Variants in ELOA observed in about 807,000 individuals in gnomAD.
ELOA encodes elongin-A.
In ELOA, 15 loss-of-function variants were observed where a neutral mutation model predicts 85.2. The observed-to-expected ratio is 0.18, with a 90% CI of 0.12 to 0.27. ELOA has a LOEUF of 0.27. Among genes scored for constraint, ELOA ranks in the 10% least tolerant of loss-of-function variants. The pLI is 1.00. For synonymous variants in ELOA, 348 were observed against 357.2 expected (o/e 0.97, Z 0.29); for missense variants, 769 against 952.7 (o/e 0.81, Z 2.54).
Position 23,750,049 on chromosome 1 carries a change from G to C in ELOA, c.239+101G>C, listed in dbSNP as rs941940629. On this transcript the variant is annotated intron_variant, in intron 3 of 10. Coordinates refer to ENST00000613537, the MANE Select transcript of ELOA (RefSeq NM_003198.3). ...CTCTTTTGCCTTCTGAAATTGTTTT[G>C]CCTCAATTATAAAAAATAATCCATG... The C allele has an allele frequency of 6.1e-5, 54 of 891,526 alleles. 1 individual carries two copies. The South Asian group carries it at 1.1e-3, about 19-fold the overall frequency. The allele number at this position is 891,526 out of a possible 1,614,324, so 55.2% of individuals were successfully genotyped here. A position where few individuals can be genotyped will look rare whatever the true frequency, so the allele number is the denominator to read the frequency against.
In ELOA at chr1:23,751,400, G is replaced by T. The variant is rs774265730; in HGVS notation, c.795G>T (p.Val265=). 3 of 1,614,046 alleles carry T rather than the reference G, an allele frequency of 1.9e-6. No individual in the cohort carries two copies. In the African/African-American group the frequency reaches 4.0e-5, roughly 22 times the overall value. The change falls in exon 4 of 11, where the codon GTG becomes GTT. Residue 265 remains valine (V), a synonymous_variant. Transcript: ENST00000613537. ...VDAKSDEKAS[V]VSREKSHKAL... is the part of the protein sequence containing the mutation. ...CCAAGAGTGATGAGAAGGCCTCTGT[G>T]GTGAGCAGAGAGAAATCACACAAGG...
chr1:23,744,459 C>A (rs201180020), intron 1 of ELOA, among the ~76,000 whole-genome samples: 1 of 138,578 alleles, frequency 7.2e-6, no homozygotes, highest in African/African-American at 2.7e-5. Flanking sequence ...TTTTTTTTTT[C>A]TTTTTTTTTT....
Position 23,751,671 on chromosome 1 carries a change from G to A in ELOA, c.1066G>A (p.Asp356Asn). ...CTTTGACACAGGAAAAGGAGCAGGA[G>A]ACCTGTTGCCCAAGGTAAAAGAGAA... ...DSFDTGKGAG[D>N]LLPKVKEKGS... The change falls in exon 4 of 11, where the codon GAC becomes AAC. Residue 356 changes from aspartate to asparagine, a missense_variant. Around this residue, in one of 4 missense-constraint regions of ELOA, gnomAD observed 440 missense variants for 474.0 expected, o/e 0.93. Transcript: ENST00000613537. 6.2e-7 allele frequency: 1 copy of A among 1,614,174 alleles called. No homozygotes were observed. Among genetic ancestry groups the A allele is most frequent in the Non-Finnish European group, 8.5e-7 (1 of 1,180,042 alleles).
At position 23,756,996 on chromosome 1, in the gene ELOA, G is replaced by A. The variant is rs1389513511; in HGVS notation, c.2128G>A (p.Ala710Thr). The A allele has an allele frequency of 3.8e-6, 6 of 1,595,792 alleles. No homozygotes were observed. The highest frequency in any genetic ancestry group is 5.1e-6 in the Non-Finnish European group (6 of 1,173,628). ...CCCCATGGGAAGCAGCCATGCTTCC[G>A]CCAGTAGCATCAGCTTTAACCCCAG... ...PYPMGSSHAS[A>T]SSISFNPSPE... is the part of the protein sequence containing the mutation. The change falls in exon 10 of 11, where the codon GCC (alanine) becomes ACC (threonine). Residue 710 changes from alanine to threonine, a missense_variant. Physicochemically the swap from Ala to Thr is moderately conservative, Grantham distance 58. Around this residue, in one of 4 missense-constraint regions of ELOA, gnomAD observed 116 missense variants for 141.0 expected, o/e 0.82. Coordinates refer to ENST00000613537, the MANE Select transcript of ELOA (RefSeq NM_003198.3).
intron 3 of ELOA, among the ~76,000 whole-genome samples, 165 bp downstream of exon 3, chr1:23,750,113 C>A (rs1174872798): frequency 2.0e-5 from 3 of 147,826 alleles, no homozygotes; most frequent in Admixed American, 6.8e-5. Flanking sequence ...AAATAGAAAT[C>A]AAAATTTCCT....
chr1:23,762,013 G>T lies in ELOA; in HGVS notation c.*2440G>T, dbSNP rs1638307174. Reference sequence around the variant, plus strand: ...CGAGATGAATATTTTAATTAGATAAGTTATATGAAAAGGAAAATTCCATGT... The same window carrying T: ...CGAGATGAATATTTTAATTAGATAATTTATATGAAAAGGAAAATTCCATGT... On this transcript the variant is annotated 3_prime_UTR_variant, in exon 11 of 11. Coordinates refer to ENST00000613537, the MANE Select transcript of ELOA (RefSeq NM_003198.3). 1 of 151,898 alleles carries T rather than the reference G, an allele frequency of 6.6e-6. No homozygotes were observed. The highest frequency in any genetic ancestry group is 2.1e-4 in the South Asian group (1 of 4,820). 9.4% of individuals were successfully genotyped at this position (151,898 alleles called of 1,614,324 possible). A position where few individuals can be genotyped will look rare whatever the true frequency, so the allele number is the denominator to read the frequency against.
At chr1:23,743,734 G>A (rs921658943) in intron 1 of ELOA, among the ~76,000 whole-genome samples, 156 bp downstream of exon 1, 1 of 152,102 alleles carries the variant, frequency 6.6e-6, no homozygotes, top group Non-Finnish European at 1.5e-5. Flanking sequence ...ACCGCTGCCC[G>A]CGCGTTGGGA....
intron 7 of ELOA, 86 bp from the exon 8 acceptor site, chr1:23,755,757 A>G (rs1644791446): frequency 7.2e-7 from 1 of 1,388,094 alleles, no homozygotes; most frequent in Non-Finnish European, 9.7e-7. Flanking sequence ...TGCAGTCTAC[A>G]CGACAGAGCA....
chr1:23,756,354 A>G lies in ELOA; in HGVS notation c.2053A>G (p.Thr685Ala), dbSNP rs1570593853. Residue 685 changes from threonine (T) to alanine (A), a missense_variant, in exon 9 of 11, where the codon ACG becomes GCG. Physicochemically the swap from Thr to Ala is moderately conservative, Grantham distance 58. Transcript: ENST00000613537. ...CCGGAGGAGGCAGGAAAAGTTTGGA[A>G]CGGGAGGAGCAGCTGTCCCTGAGAA... ...DVRRRQEKFG[T>A]GGAAVPEKIK... The G allele has an allele frequency of 6.3e-7, 1 of 1,580,808 alleles. No individual in the cohort carries two copies. The highest frequency in any genetic ancestry group is 8.6e-7 in the Non-Finnish European group (1 of 1,163,008).
intron 2 of ELOA, 67 bp downstream of exon 2, chr1:23,749,144 A>C: frequency 7.3e-7 from 1 of 1,378,854 alleles, no homozygotes; most frequent in South Asian, 1.2e-5. Context: ...GAGAGTGTGT[A>C]GAATAAGGTT....
intron 3 of ELOA, among the ~76,000 whole-genome samples, chr1:23,750,202 G>C (rs1290852793): frequency 2.6e-5 from 3 of 117,144 alleles, no homozygotes; most frequent in Non-Finnish European, 4.9e-5. Flanking sequence ...TTGAGACAGA[G>C]TCTCGCTCTG....
chr1:23,754,162 A>G lies in ELOA; in HGVS notation c.1600A>G (p.Met534Val). The G allele has an allele frequency of 6.2e-7, 1 of 1,614,230 alleles. No homozygotes were observed. Among genetic ancestry groups the G allele is most frequent in the Non-Finnish European group, 8.5e-7 (1 of 1,180,052 alleles). Residue 534 changes from methionine (M) to valine (V), a missense_variant, in exon 6 of 11, where the codon ATG becomes GTG. Physicochemically the swap from Met to Val is conservative, Grantham distance 21 (BLOSUM62 1). This residue lies in a region of ELOA where 193 missense variants were observed against 278.9 expected (regional missense o/e 0.69). Transcript: ENST00000613537. ...TACTGGGCGCAGAATGAATTCCAAG[A>G]TGCAGGTGTATTCTGGTTCCAAGTG... ...GFTGRRMNSKMQVYSGSKCAY... is the reference protein window; with the variant it reads ...GFTGRRMNSKVQVYSGSKCAY...
chr1:23,752,753 G>T (rs1315989936), intron 5 of ELOA, among the ~76,000 whole-genome samples: 1 of 152,010 alleles, frequency 6.6e-6, no homozygotes, highest in East Asian at 1.9e-4. Context: ...GATTAGCCTG[G>T]CCAACATGGT....
chr1:23,749,910 C>G lies in ELOA; in HGVS notation c.201C>G (p.Asp67Glu), dbSNP rs753199541. 6.2e-7 allele frequency: 1 copy of G among 1,613,814 alleles called. No individual in the cohort carries two copies. Among genetic ancestry groups the G allele is most frequent in the Non-Finnish European group, 8.5e-7 (1 of 1,179,854 alleles). ...KHEHVGSFAR[D>E]LVAQWKKLVP... ...AGCATGTTGGAAGCTTTGCCAGGGACCTAGTGGCCCAGTGGAAGAAGCTGG... is the reference window on the plus strand; with the variant it reads ...AGCATGTTGGAAGCTTTGCCAGGGAGCTAGTGGCCCAGTGGAAGAAGCTGG... Residue 67 changes from aspartate (D) to glutamate (E), a missense_variant, in exon 3 of 11, where the codon GAC becomes GAG. Coordinates refer to ENST00000613537, the MANE Select transcript of ELOA (RefSeq NM_003198.3).
intron 2 of ELOA, 116 bp from the exon 3 acceptor site, chr1:23,749,726 A>G (rs1644760661): frequency 2.5e-6 from 2 of 795,022 alleles, no homozygotes; most frequent in East Asian, 2.7e-5. Context: ...TTTGCAGGGT[A>G]TGTTGTAGGA....
At position 23,751,765 on chromosome 1, in the gene ELOA, C is replaced by G. The variant is rs1421756519; in HGVS notation, c.1160C>G (p.Ser387Cys). The change falls in exon 4 of 11, where the codon TCC (serine) becomes TGC (cysteine). Residue 387 changes from serine to cysteine, a missense_variant. By Grantham distance (112) the Ser-to-Cys change is moderately radical. This residue lies in a region of ELOA where 440 missense variants were observed against 474.0 expected (regional missense o/e 0.93). Coordinates refer to ENST00000613537, the MANE Select transcript of ELOA (RefSeq NM_003198.3). The part of the protein sequence containing the change: ...KTNLDRKSLG[S>C]LPKVEETDME... ...AATTTGGATAGAAAGTCACTGGGCTCCCTCCCTAAAGTTGAGGAGACAGAT... is the reference window on the plus strand; with the variant it reads ...AATTTGGATAGAAAGTCACTGGGCTGCCTCCCTAAAGTTGAGGAGACAGAT... 4 of 1,614,166 alleles carry G rather than the reference C, an allele frequency of 2.5e-6. No individual in the cohort carries two copies. The highest frequency in any genetic ancestry group is 8.5e-7 in the Non-Finnish European group (1 of 1,180,030).
intron 1 of ELOA, among the ~76,000 whole-genome samples, chr1:23,743,843 C>T (rs776216476): frequency 7.2e-5 from 11 of 152,170 alleles, no homozygotes; most frequent in Non-Finnish European, 1.5e-4. Context: ...GCGTGCCTAG[C>T]GCTTCCTCCC....
chr1:23,756,490 T>TG, intron 9 of ELOA, 105 bp downstream of exon 9: 1 of 988,018 alleles, frequency 1.0e-6, no homozygotes, highest in Non-Finnish European at 1.5e-6. Flanking sequence ...CAGTGCAGAC[T>TG]GTGGGCTCTG....
intron 10 of ELOA, among the ~76,000 whole-genome samples, chr1:23,757,980 G>A (rs1396214121): frequency 6.6e-6 from 1 of 151,992 alleles, no homozygotes. Flanking sequence ...GGCAGAGGTT[G>A]CAGTGAGCTG....
Sources: gnomAD v4.1 joint callset for allele counts (sites outside exome capture counted in the v4.1 genomes callset) on GRCh38, gnomAD v4.1.1 for gene constraint, gnomAD v4.1.1 regional missense constraint, MANE v1.5 for transcripts, NCBI Gene and HGNC (gene_info 2026-07-23, HGNC 2026-07-21) for gene names.